The following MBD2 variants were observed in gnomAD, a reference collection of about 807,000 sequenced individuals.
The protein encoded by MBD2 is methyl-CpG binding domain protein 2, also known as methyl-CpG-binding domain protein 2.
A neutral mutation model predicts 39.3 loss-of-function variants in MBD2; 9 were observed. That is an observed-to-expected ratio of 0.23 (90% CI 0.14 to 0.40). MBD2 has a LOEUF of 0.40. Ranked by LOEUF, MBD2 falls within the 10% of genes least tolerant of loss-of-function variation. The pLI is 1.00. For synonymous variants in MBD2, 233 were observed against 211.1 expected, an observed-to-expected ratio of 1.10 and a Z score of -0.90; for missense variants, 458 against 532.6, an observed-to-expected ratio of 0.86 and a Z score of 1.38.
At chr18:54,206,992 T>A (rs561806906) in intron 1 of MBD2, among the ~76,000 whole-genome samples, 5 of 152,310 alleles carry the variant, frequency 3.3e-5, no homozygotes, top group East Asian at 3.9e-4. Flanking sequence ...GTCCACTTAG[T>A]GCTTTATTCT....
intron 2 of MBD2, 90 bp from the exon 3 acceptor site, chr18:54,189,101 C>A (rs2086302167): frequency 4.9e-6 from 4 of 822,612 alleles, no homozygotes; most frequent in Non-Finnish European, 7.1e-6. Context: ...TACTTTAAAT[C>A]AAATTATTCC....
chr18:54,177,911 C>A (rs930306681), intron 3 of MBD2, among the ~76,000 whole-genome samples: 2 of 134,808 alleles, frequency 1.5e-5, no homozygotes, highest in African/African-American at 2.8e-5. Context: ...ATGATCATAG[C>A]TCGCTGCAAC....
intron 3 of MBD2, among the ~76,000 whole-genome samples, chr18:54,186,497 C>T (rs1323599104): frequency 6.6e-6 from 1 of 152,120 alleles, no homozygotes; most frequent in Non-Finnish European, 1.5e-5. Flanking sequence ...CAACATCTTT[C>T]CTTTACTAAC....
chr18:54,185,010 T>TA (rs1449644718), intron 3 of MBD2, among the ~76,000 whole-genome samples: 14 of 152,190 alleles, frequency 9.2e-5, no homozygotes, highest in African/African-American at 3.4e-4. Context: ...AAATAACTGT[T>TA]AGAGATTAGA....
intron 3 of MBD2, among the ~76,000 whole-genome samples, chr18:54,168,607 G>A (rs374636110): frequency 5.0e-4 from 49 of 98,534 alleles, no homozygotes; most frequent in African/African-American, 1.8e-3. Flanking sequence ...ATTTATGTAT[G>A]CATATTTGTG....
chr18:54,221,034 A>C (rs2086607217), intron 1 of MBD2, among the ~76,000 whole-genome samples: 1 of 152,250 alleles, frequency 6.6e-6, no homozygotes, highest in East Asian at 1.9e-4. Context: ...TTCCCATTTT[A>C]CATAAACAAG....
At chr18:54,190,769 AG>A (rs2086315001) in intron 2 of MBD2, among the ~76,000 whole-genome samples, 1 of 152,192 alleles carries the variant, frequency 6.6e-6, no homozygotes, top group Admixed American at 6.5e-5. Flanking sequence ...ACATTAAGTG[AG>A]GACTTACTGA....
chr18:54,201,850 G>A (rs558236553), intron 2 of MBD2, among the ~76,000 whole-genome samples: 451 of 139,408 alleles, frequency 3.2e-3, no homozygotes, highest in Admixed American at 5.9e-3. Context: ...GCGACAGAGC[G>A]AGACTCCATC....
At chr18:54,189,544 G>A (rs2086306382) in intron 2 of MBD2, among the ~76,000 whole-genome samples, 1 of 152,086 alleles carries the variant, frequency 6.6e-6, no homozygotes, top group Admixed American at 6.5e-5. Context: ...ACTTTTAAGT[G>A]TAAGAAAATT....
At chr18:54,166,003 A>G in intron 4 of MBD2, 73 bp downstream of exon 4, 2 of 1,012,598 alleles carry the variant, frequency 2.0e-6, no homozygotes, top group South Asian at 1.4e-5. Flanking sequence ...TGCTGAATCC[A>G]CAGCATCTAA....
chr18:54,202,811 C>A (rs779987686), intron 2 of MBD2: 40 of 1,551,834 alleles, frequency 2.6e-5, no homozygotes, highest in Non-Finnish European at 3.1e-5. Context: ...CAAAAAAAGA[C>A]ATGGTCCCTG....
intron 3 of MBD2, among the ~76,000 whole-genome samples, chr18:54,180,743 C>T (rs1047610913): frequency 1.3e-5 from 2 of 151,830 alleles, no homozygotes; most frequent in African/African-American, 2.4e-5. Flanking sequence ...AAACACTATT[C>T]GATTTTTTCA....
At chr18:54,202,689 GTATAA>G (rs2086416706) in intron 2 of MBD2, 1 of 1,143,170 alleles carries the variant, frequency 8.7e-7, no homozygotes, top group African/African-American at 1.6e-5. Context: ...ATAATGTACG[GTATAA>G]TTTATTTATT....
chr18:54,202,882 G>A (rs920168454), intron 2 of MBD2: 18 of 1,230,980 alleles, frequency 1.5e-5, no homozygotes, highest in African/African-American at 1.3e-4. Flanking sequence ...CAATGGCAAA[G>A]CACCAGGGAA....
At chr18:54,178,580 T>C (rs765602449) in intron 3 of MBD2, among the ~76,000 whole-genome samples, 5 of 151,894 alleles carry the variant, frequency 3.3e-5, no homozygotes, top group South Asian at 2.1e-4. Context: ...AAGATCCCAA[T>C]AGTACTATAA....
chr18:54,174,787 T>C (rs1342584247), intron 3 of MBD2, among the ~76,000 whole-genome samples: 2 of 152,246 alleles, frequency 1.3e-5, no homozygotes. Flanking sequence ...TCACAACCTA[T>C]AAACTAGAAA....
chr18:54,166,199 AT>A, intron 3 of MBD2, 33 bp from the exon 4 acceptor site: 1 of 1,345,310 alleles, frequency 7.4e-7, no homozygotes, highest in Non-Finnish European at 1.1e-6. Flanking sequence ...TAATAGATAC[AT>A]TTTTGAAACA....
chr18:54,205,591 CAAAA>C (rs10719481), intron 1 of MBD2, among the ~76,000 whole-genome samples: 4 of 90,082 alleles, frequency 4.4e-5, no homozygotes, highest in African/African-American at 1.3e-4. Flanking sequence ...AACTCTATCT[CAAAA>C]AAAAAAAAAA....
chr18:54,204,304 C>G (rs2086431981), intron 2 of MBD2, among the ~76,000 whole-genome samples: 1 of 152,194 alleles, frequency 6.6e-6, no homozygotes, highest in South Asian at 2.1e-4. Context: ...AGGGAAAAAG[C>G]AGCTTTCTTT....
Sources: allele counts gnomAD v4.1 joint callset (sites outside exome capture counted in the v4.1 genomes callset), GRCh38; gene constraint gnomAD v4.1.1; transcripts MANE v1.5; gene names NCBI Gene and HGNC (gene_info 2026-07-23, HGNC 2026-07-21).